The following AZIN2 variants were observed in gnomAD, a reference collection of about 807,000 sequenced individuals.
AZIN2 encodes the protein antizyme inhibitor 2, also known as ODC antizyme inhibitor-2.
AZIN2 carries 28 observed loss-of-function variants against 47.8 expected under a neutral mutation model. That is an observed-to-expected ratio of 0.59 (90% CI 0.43 to 0.80). The LOEUF is 0.80. Ranked by LOEUF, AZIN2 falls within the 30% of genes least tolerant of loss-of-function variation. The probability of loss-of-function intolerance (pLI) is 0.00; values close to 1 mark genes in which losing one functional copy is unlikely to be tolerated. For synonymous variants in AZIN2, 221 were observed against 239.4 expected (o/e 0.92, Z 0.71); for missense variants, 535 against 582.5 (o/e 0.92, Z 0.84).
chr1:33,099,225 C>T (rs1323312245), intron 10 of AZIN2, among the ~76,000 whole-genome samples: 7 of 152,170 alleles, frequency 4.6e-5, no homozygotes, highest in Non-Finnish European at 7.4e-5. Context: ...ATCAACTCCA[C>T]TTTGTGGCTC....
intron 10 of AZIN2, among the ~76,000 whole-genome samples, chr1:33,105,144 GGA>G (rs1284685402): frequency 6.6e-6 from 1 of 152,104 alleles, no homozygotes; most frequent in African/African-American, 2.4e-5. Flanking sequence ...AGCTGGGTGG[GGA>G]GAGAGAACTA....
intron 10 of AZIN2, among the ~76,000 whole-genome samples, chr1:33,116,445 C>T (rs1413987639): frequency 6.6e-6 from 1 of 152,184 alleles, no homozygotes; most frequent in Non-Finnish European, 1.5e-5. Flanking sequence ...TCCATCTATG[C>T]CCTTTGGATG....
chr1:33,146,774 TAA>T, the AZIN2 span: 1 of 258,466 alleles, frequency 3.9e-6, no homozygotes, highest in South Asian at 5.1e-5. Flanking sequence ...CCATGGGACA[TAA>T]GAGGGTGCTG....
intron 11 of AZIN2, 37 bp from the exon 12 acceptor site, chr1:33,120,007 A>C: frequency 6.2e-7 from 1 of 1,612,326 alleles, no homozygotes; most frequent in South Asian, 1.1e-5. Context: ...TGCCAGTCCC[A>C]TGCTGGCTAC....
rs771279397 is a variant in AZIN2 at position 33,122,357 on chromosome 1, T to C, written c.*2175T>C. Reference sequence around the variant, plus strand: ...TGGATGGATTTCTCACTGGAGCCTTTCTAGTGTTTCATGTTCCATTTGCAG... The same window carrying C: ...TGGATGGATTTCTCACTGGAGCCTTCCTAGTGTTTCATGTTCCATTTGCAG... On this transcript the variant is annotated 3_prime_UTR_variant, in exon 12 of 12. Coordinates refer to ENST00000294517, the MANE Select transcript of AZIN2 (RefSeq NM_052998.4). Among the ~76,000 whole-genome samples, 17 of 152,242 alleles carry C rather than the reference T, an allele frequency of 1.1e-4. No homozygotes were observed. The highest frequency in any genetic ancestry group is 2.1e-4 in the Non-Finnish European group (14 of 68,046).
chr1:33,152,998 T>C, the AZIN2 span, among the ~76,000 whole-genome samples: 1 of 123,062 alleles, frequency 8.1e-6, no homozygotes, highest in Admixed American at 1.1e-4. Context: ...AAGGTCACAG[T>C]TGGAGGAGAG....
intron 10 of AZIN2, among the ~76,000 whole-genome samples, chr1:33,104,341 G>A (rs554958721): frequency 4.5e-4 from 68 of 152,182 alleles, no homozygotes; most frequent in Non-Finnish European, 7.9e-4. Context: ...GCTTGCATAT[G>A]CATGTGTGCA....
chr1:33,094,986 C>T (rs1642984072), intron 8 of AZIN2, among the ~76,000 whole-genome samples: 1 of 152,218 alleles, frequency 6.6e-6, no homozygotes. Context: ...GACACATTTA[C>T]ATAAGTCGTA....
rs1024429251 is a variant in AZIN2 at position 33,081,462 on chromosome 1, C to G, written c.-331C>G. ...GTTTCGAGGTCACCGGCGACCCCCC[C>G]TAGCAGCGCGCCTGGCTCTGGCCCC... On this transcript the variant is annotated 5_prime_UTR_variant, in exon 2 of 12. Coordinates refer to ENST00000294517, the MANE Select transcript of AZIN2 (RefSeq NM_052998.4). The surrounding 1 kb of genome is among the most constrained non-coding windows in gnomAD (Gnocchi z 4.2). 1 of 154,014 alleles carries G rather than the reference C, an allele frequency of 6.5e-6. No individual in the cohort carries two copies. The highest frequency in any genetic ancestry group is 6.5e-5 in the Admixed American group (1 of 15,300). 9.5% of individuals were successfully genotyped at this position (154,014 alleles called of 1,614,324 possible).
the AZIN2 span, among the ~76,000 whole-genome samples, chr1:33,135,916 G>A: frequency 6.6e-6 from 1 of 152,154 alleles, no homozygotes; most frequent in African/African-American, 2.4e-5. Context: ...GCACAGTGAG[G>A]GGTCCCCAGG....
At chr1:33,161,844 C>G in the AZIN2 span, among the ~76,000 whole-genome samples, 3 of 152,180 alleles carry the variant, frequency 2.0e-5, no homozygotes, top group Non-Finnish European at 4.4e-5. The surrounding 1 kb of genome is among the most constrained non-coding windows in gnomAD (Gnocchi z 4.3). Context: ...TCTGCTTTGC[C>G]TCCCATCTCT....
the AZIN2 span, among the ~76,000 whole-genome samples, chr1:33,149,800 T>TCTCGTTCTGTCCTCGTTC: frequency 1.3e-5 from 2 of 152,160 alleles, no homozygotes; most frequent in African/African-American, 4.8e-5. Context: ...GCGTGGGGTA[T>TCTCGTTCTGTCCTCGTTC]TATCTTCTGT....
chr1:33,094,542 T>C lies in AZIN2; in HGVS notation c.588-6T>C. 6.2e-7 allele frequency: 1 copy of C among 1,607,650 alleles called. No homozygotes were observed. The highest frequency in any genetic ancestry group is 1.7e-5 in the Admixed American group (1 of 59,820). On this transcript the variant is annotated splice_region_variant and splice_polypyrimidine_tract_variant and intron_variant, in intron 7 of 11. Transcript: ENST00000294517. ...ATGTCAGCCGAGGCTCTTCCTCTCT[T>C]CCCAGTTTTCACATTGGCAGTGGCT...
At chr1:33,129,363 G>A in the AZIN2 span, among the ~76,000 whole-genome samples, 2 of 152,176 alleles carry the variant, frequency 1.3e-5, no homozygotes, top group Admixed American at 6.6e-5. The surrounding 1 kb of genome is among the most constrained non-coding windows in gnomAD (Gnocchi z 4.1). Context: ...ATTCTCTTCT[G>A]ATAAGCAACT....
At chr1:33,093,215 T>C (rs369111609) in intron 6 of AZIN2, 67 bp from the exon 7 acceptor site, 19 of 1,597,272 alleles carry the variant, frequency 1.2e-5, no homozygotes, top group East Asian at 6.7e-5. Context: ...CAGCCCTTGA[T>C]TGAGAGATGT....
intron 11 of AZIN2, chr1:33,119,679 G>A (rs1489647332): frequency 3.3e-6 from 1 of 299,844 alleles, no homozygotes; most frequent in East Asian, 8.5e-5. Flanking sequence ...TACTAGGGAT[G>A]TGATCTTAGG....
intron 5 of AZIN2, among the ~76,000 whole-genome samples, chr1:33,089,761 A>C (rs1213414054): frequency 6.6e-6 from 1 of 152,222 alleles, no homozygotes; most frequent in East Asian, 1.9e-4. Context: ...TAGCATAGTC[A>C]TTGGGATTAA....
At chr1:33,152,594 C>T in the AZIN2 span, among the ~76,000 whole-genome samples, 1 of 148,938 alleles carries the variant, frequency 6.7e-6, no homozygotes. Context: ...AAAAAAAAGA[C>T]TGGGGACCAT....
intron 7 of AZIN2, among the ~76,000 whole-genome samples, chr1:33,093,731 C>CTTTT (rs776963959): frequency 8.2e-5 from 11 of 134,652 alleles, no homozygotes; most frequent in East Asian, 2.2e-4. Context: ...TTCTTTCTTT[C>CTTTT]TTTTTTTTTT....
Sources: gnomAD v4.1 joint callset for allele counts (sites outside exome capture counted in the v4.1 genomes callset) on GRCh38, gnomAD v4.1.1 for gene constraint, Gnocchi (gnomAD v3.1) non-coding constraint, MANE v1.5 for transcripts, NCBI Gene and HGNC (gene_info 2026-07-23, HGNC 2026-07-21) for gene names.